Variants in RNF212 observed in about 807,000 individuals in gnomAD.
RNF212 encodes the protein ring finger protein 212, also known as probable E3 SUMO-protein ligase RNF212.
RNF212 carries 33 observed loss-of-function variants against 34.7 expected under a neutral mutation model. That is an observed-to-expected ratio of 0.95 (90% CI 0.72 to 1.27). The LOEUF is 1.27. Ranked by LOEUF, RNF212 falls within the 50% of genes most tolerant of loss-of-function variation. The pLI is 0.00. For missense variants in RNF212, 377 were observed against 362.2 expected, an observed-to-expected ratio of 1.04 and a Z score of -0.33; for synonymous variants, 140 against 136.1, an observed-to-expected ratio of 1.03 and a Z score of -0.20.
Position 1,073,485 on chromosome 4 carries a change from A to G in RNF212, c.574+114T>C. On this transcript the variant is annotated intron_variant, in intron 9 of 9. Coordinates refer to ENST00000433731, the MANE Select transcript of RNF212 (RefSeq NM_001131034.4). ...ATGTAGCCTCCCATGCACCGGGTGGAAGGACAGCACCCCCTTGGGTAGGTT... is the reference window on the plus strand; with the variant it reads ...ATGTAGCCTCCCATGCACCGGGTGGGAGGACAGCACCCCCTTGGGTAGGTT... The G allele has an allele frequency of 1.7e-5, 15 of 861,196 alleles. No individual in the cohort carries two copies. In the South Asian group the frequency reaches 2.0e-4, roughly 12 times the overall value. The allele number at this position is 861,196 out of a possible 1,614,324, so 53.3% of individuals were successfully genotyped here. A position where few individuals can be genotyped will look rare whatever the true frequency, so the allele number is the denominator to read the frequency against.
intron 8 of RNF212, among the ~76,000 whole-genome samples, chr4:1,077,221 C>T (rs1164492167): frequency 6.6e-6 from 1 of 152,168 alleles, no homozygotes; most frequent in African/African-American, 2.4e-5. Context: ...TAGAGTGAGA[C>T]TCTGTCTCAA....
downstream of RNF212, among the ~76,000 whole-genome samples, chr4:1,068,240 T>C (rs28374671): frequency 0.19 from 28,635 of 152,180 alleles, 4,473 homozygotes; most frequent in African/African-American, 0.43. Context: ...ACCAAGATAT[T>C]GTGGTATTTC....
intron 4 of RNF212, among the ~76,000 whole-genome samples, chr4:1,088,989 C>A (rs1265679638): frequency 6.6e-6 from 1 of 152,266 alleles, no homozygotes; most frequent in Non-Finnish European, 1.5e-5. Context: ...TCATGGAGAA[C>A]CTCTGCTAGG....
Position 1,072,699 on chromosome 4 carries a change from C to T in RNF212, c.*175G>A, listed in dbSNP as rs1718636902. On this transcript the variant is annotated 3_prime_UTR_variant, in exon 10 of 10. Transcript: ENST00000433731. ...ATATGAGTACATAAAAATATTGTCT[C>T]TAAAATTCAAAGGTCAAATATAAAA... 1.5e-6 allele frequency: 2 copies of T among 1,358,022 alleles called. No homozygotes were observed. Among genetic ancestry groups the T allele is most frequent in the Non-Finnish European group, 1.9e-6 (2 of 1,041,778 alleles). The allele number at this position is 1,358,022 out of a possible 1,614,324, so 84.1% of individuals were successfully genotyped here. A position where few individuals can be genotyped will look rare whatever the true frequency, so the allele number is the denominator to read the frequency against.
Position 1,099,811 on chromosome 4 carries a change from C to CA in RNF212, c.172-2973dup, listed in dbSNP as rs1483607649. On this transcript the variant is annotated intron_variant, in intron 2 of 9. Coordinates refer to ENST00000433731, the MANE Select transcript of RNF212 (RefSeq NM_001131034.4). ...CCCTGGTGCAGAGCAATCGAGTCCA[C>CA]AAGGTCCGACGGCGCAAGCGGACAC... is the stretch of plus-strand genomic sequence containing the variant. The CA allele has an allele frequency of 3.3e-5, 15 of 456,248 alleles. No homozygotes were observed. The East Asian group carries it at 1.0e-3, about 32-fold the overall frequency. The allele number at this position is 456,248 out of a possible 1,614,324, so 28.3% of individuals were successfully genotyped here. A position where few individuals can be genotyped will look rare whatever the true frequency, so the allele number is the denominator to read the frequency against.
intron 9 of RNF212, 56 bp from the exon 10 acceptor site, chr4:1,073,249 G>A (rs1327091328): frequency 2.5e-6 from 4 of 1,586,704 alleles, no homozygotes; most frequent in Admixed American, 1.7e-5. Context: ...GGGCTGAGGT[G>A]GATGTGTGCT....
intron 2 of RNF212, among the ~76,000 whole-genome samples, chr4:1,103,792 A>T (rs1268777424): frequency 6.6e-6 from 1 of 152,246 alleles, no homozygotes; most frequent in Admixed American, 6.5e-5. Context: ...TTGATGAAAT[A>T]CTGGAAGCTT....
At chr4:1,060,834 A>C (rs1717701736) in intron 3 of RNF212, among the ~76,000 whole-genome samples, 1 of 152,222 alleles carries the variant, frequency 6.6e-6, no homozygotes, top group Non-Finnish European at 1.5e-5. Context: ...TCTGCAGGGC[A>C]GACAACGCAC....
intron 2 of RNF212, among the ~76,000 whole-genome samples, chr4:1,106,156 C>T (rs923823490): frequency 6.6e-6 from 1 of 152,066 alleles, no homozygotes; most frequent in Non-Finnish European, 1.5e-5. Flanking sequence ...GACCAGCATT[C>T]GGAAGACACT....
chr4:1,067,733 G>A (rs1322366605), downstream of RNF212, among the ~76,000 whole-genome samples: 1 of 152,032 alleles, frequency 6.6e-6, no homozygotes, highest in African/African-American at 2.4e-5. Context: ...GTGAGGTGCT[G>A]CACGCCTGTA....
chr4:1,073,882 TG>T (rs1718842419), intron 8 of RNF212: 2 of 558,828 alleles, frequency 3.6e-6, no homozygotes, highest in Admixed American at 5.8e-5. Context: ...ATTACCTGTT[TG>T]ATTCCCTCTG....
At chr4:1,113,302 T>A in intron 1 of RNF212, 54 bp downstream of exon 1, 3 of 277,452 alleles carry the variant, frequency 1.1e-5, no homozygotes, top group Non-Finnish European at 1.6e-5. Context: ...CGGAGTTCCC[T>A]GACCCCCTTG....
At chr4:1,078,783 G>T (rs1217258297) in intron 8 of RNF212, among the ~76,000 whole-genome samples, 1 of 151,984 alleles carries the variant, frequency 6.6e-6, no homozygotes, top group Non-Finnish European at 1.5e-5. Flanking sequence ...CCAATACAGG[G>T]TCAACACAGG....
chr4:1,086,345 G>T (rs1445804820), intron 4 of RNF212, among the ~76,000 whole-genome samples: 3 of 152,000 alleles, frequency 2.0e-5, no homozygotes, highest in African/African-American at 7.2e-5. Flanking sequence ...CGCCCTGTGT[G>T]TGGGAGCTGC....
At chr4:1,065,408 T>G (rs766295926) in intron 3 of RNF212, among the ~76,000 whole-genome samples, 3 of 152,236 alleles carry the variant, frequency 2.0e-5, no homozygotes, top group Non-Finnish European at 2.9e-5. Flanking sequence ...AAAAATACTT[T>G]GAGGAAAGCT....
chr4:1,107,456 C>T (rs1725008838), intron 2 of RNF212: 2 of 150,848 alleles, frequency 1.3e-5, no homozygotes, highest in Non-Finnish European at 2.9e-5. Flanking sequence ...TGGGGACTTA[C>T]ACTTTTTTTT....
chr4:1,058,061 T>TA (rs71168806), intron 4 of RNF212, among the ~76,000 whole-genome samples: 9 of 148,490 alleles, frequency 6.1e-5, no homozygotes, highest in South Asian at 2.1e-4. Context: ...AGACTCCGGC[T>TA]AAAAAAAAAA....
chr4:1,084,336 G>A (rs13147452), intron 5 of RNF212, among the ~76,000 whole-genome samples: 58,241 of 152,080 alleles, frequency 0.38, 12,835 homozygotes, highest in Non-Finnish European at 0.5. Flanking sequence ...GGGCTAGCTA[G>A]TAAATGTAGG....
chr4:1,056,993 A>G (rs1717364094), intron 4 of RNF212: 1 of 987,766 alleles, frequency 1.0e-6, no homozygotes, highest in Non-Finnish European at 1.2e-6. Flanking sequence ...GGGAATTTGC[A>G]GAGGTGGAAT....
Sources: allele counts gnomAD v4.1 joint callset (sites outside exome capture counted in the v4.1 genomes callset), GRCh38; gene constraint gnomAD v4.1.1; transcripts MANE v1.5; gene names NCBI Gene and HGNC (gene_info 2026-07-23, HGNC 2026-07-21).